The following KLF8 variants were observed in gnomAD, a reference collection of about 807,000 sequenced individuals.
KLF8 encodes the protein KLF transcription factor 8.
Under a neutral mutation model 18.2 loss-of-function variants are expected in KLF8, and 10 were observed. The observed-to-expected ratio is 0.55, with a 90% CI of 0.34 to 0.93. KLF8 has a LOEUF of 0.93. Ranked by LOEUF, KLF8 falls within the 40% of genes least tolerant of loss-of-function variation. KLF8 has a pLI of 0.02. For synonymous variants in KLF8, 109 were observed against 97.3 expected (o/e 1.12, Z -0.71); for missense variants, 264 against 277.9 (o/e 0.95, Z 0.36).
At chrX:55,939,542 G>A in the KLF8 span, among the ~76,000 whole-genome samples, 4 of 111,748 alleles carry the variant, frequency 3.6e-5, no homozygotes, top group African/African-American at 1.3e-4. Context: ...AGAACTGAAG[G>A]AAATAGAGAC....
chrX:56,029,729 A>C, the KLF8 span, among the ~76,000 whole-genome samples: 1 of 111,421 alleles, frequency 9.0e-6, no homozygotes, highest in Non-Finnish European at 1.9e-5. Context: ...CCAATGTCCT[A>C]TTTCTTTACA....
the KLF8 span, among the ~76,000 whole-genome samples, chrX:56,189,165 A>T: frequency 1.8e-5 from 2 of 111,776 alleles, no homozygotes; most frequent in Non-Finnish European, 3.8e-5. Flanking sequence ...ACTCCAATAA[A>T]TTTACAAGAA....
At chrX:56,131,717 A>G in the KLF8 span, among the ~76,000 whole-genome samples, 2 of 111,913 alleles carry the variant, frequency 1.8e-5, no homozygotes, top group Non-Finnish European at 3.8e-5. Context: ...TTCAACAACC[A>G]AGTATCTGCT....
chrX:55,961,012 A>C, the KLF8 span, among the ~76,000 whole-genome samples: 1 of 111,837 alleles, frequency 8.9e-6, no homozygotes, highest in Non-Finnish European at 1.9e-5. Flanking sequence ...GGAAAACAGA[A>C]AGCAAAAGAG....
chrX:55,953,267 G>A, the KLF8 span, among the ~76,000 whole-genome samples: 28 of 111,063 alleles, frequency 2.5e-4, no homozygotes, highest in Non-Finnish European at 4.7e-4. Flanking sequence ...AATTAAAGCC[G>A]GGTACAGGGA....
the KLF8 span, among the ~76,000 whole-genome samples, chrX:56,201,888 A>G: frequency 1.8e-5 from 2 of 111,843 alleles, no homozygotes; most frequent in Non-Finnish European, 3.8e-5. Context: ...GGACTTAAAT[A>G]AAATACATGA....
At chrX:56,059,900 G>T in the KLF8 span, among the ~76,000 whole-genome samples, 1 of 111,982 alleles carries the variant, frequency 8.9e-6, no homozygotes, top group Non-Finnish European at 1.9e-5. Flanking sequence ...AAAGGCAATG[G>T]TAGCTTGATG....
At chrX:55,991,084 C>A in the KLF8 span, among the ~76,000 whole-genome samples, 2 of 112,350 alleles carry the variant, frequency 1.8e-5, no homozygotes, top group South Asian at 3.7e-4. Context: ...TTTGGCTATA[C>A]CCTGCCCCCA....
the KLF8 span, among the ~76,000 whole-genome samples, chrX:56,070,869 A>C: frequency 4.4e-5 from 5 of 112,963 alleles, no homozygotes; most frequent in South Asian, 1.8e-3. Context: ...TAAGGTAGTC[A>C]CATGTAAGCC....
the KLF8 span, among the ~76,000 whole-genome samples, chrX:55,968,804 A>G: frequency 8.9e-6 from 1 of 111,993 alleles, no homozygotes; most frequent in African/African-American, 3.2e-5. Flanking sequence ...TTTCCTTTAT[A>G]AATTATCTAG....
the KLF8 span, among the ~76,000 whole-genome samples, chrX:56,120,359 G>A: frequency 1.6e-4 from 18 of 111,286 alleles, no homozygotes; most frequent in Non-Finnish European, 3.2e-4. Context: ...GAGTTTTTTC[G>A]ACTTTTAAAC....
chrX:56,080,710 G>A, the KLF8 span, among the ~76,000 whole-genome samples: 10 of 111,238 alleles, frequency 9.0e-5, no homozygotes, highest in African/African-American at 3.3e-4. Flanking sequence ...TGCTAGATTG[G>A]GGAAATTCTC....
chrX:56,003,451 A>AAAT, the KLF8 span, among the ~76,000 whole-genome samples: 1 of 106,585 alleles, frequency 9.4e-6, no homozygotes, highest in African/African-American at 3.5e-5. Flanking sequence ...AATAAATAAA[A>AAAT]GTCTGAACTT....
chrX:56,173,972 CT>C, the KLF8 span, among the ~76,000 whole-genome samples: 2 of 111,653 alleles, frequency 1.8e-5, no homozygotes, highest in South Asian at 7.5e-4. Context: ...CTGAAGTTGC[CT>C]ATCATCTTAA....
the KLF8 span, among the ~76,000 whole-genome samples, chrX:55,926,781 T>G: frequency 0.52 from 57,322 of 109,690 alleles, 13,503 homozygotes; most frequent in East Asian, 0.75. Flanking sequence ...CAGCCCAATT[T>G]TTTTTTGTAA....
the KLF8 span, among the ~76,000 whole-genome samples, chrX:56,047,603 T>G: frequency 9.0e-6 from 1 of 111,240 alleles, no homozygotes; most frequent in Non-Finnish European, 1.9e-5. Context: ...ACTCATCATT[T>G]TTTATGGCTG....
At chrX:55,980,850 C>G in the KLF8 span, among the ~76,000 whole-genome samples, 4 of 112,219 alleles carry the variant, frequency 3.6e-5, no homozygotes, top group South Asian at 3.7e-4. Context: ...GCTTCTCCCC[C>G]CCTCCATAGC....
chrX:56,121,798 G>A, the KLF8 span, among the ~76,000 whole-genome samples: 2 of 111,858 alleles, frequency 1.8e-5, no homozygotes, highest in Non-Finnish European at 3.8e-5. Context: ...AGTAACTATG[G>A]TCATAAATAG....
At chrX:56,253,764 C>CTTTT (rs60291877) in intron 2 of KLF8, among the ~76,000 whole-genome samples, 1 of 60,115 alleles carries the variant, frequency 1.7e-5, no homozygotes, top group Non-Finnish European at 3.0e-5. Context: ...TTTTCTTTTT[C>CTTTT]TTTTTTTTTT....
Sources: allele counts gnomAD v4.1 joint callset (sites outside exome capture counted in the v4.1 genomes callset), GRCh38; gene constraint gnomAD v4.1.1; transcripts MANE v1.5; gene names NCBI Gene and HGNC (gene_info 2026-07-23, HGNC 2026-07-21).